DAAM2: variants seen among roughly 807,000 people sequenced by gnomAD.
The protein encoded by DAAM2 is disheveled-associated activator of morphogenesis 2.
DAAM2 carries 39 observed loss-of-function variants against 120.7 expected under a neutral mutation model. That is an observed-to-expected ratio of 0.32 (90% CI 0.25 to 0.42). The LOEUF is 0.42. Among genes scored for constraint, DAAM2 ranks in the 10% least tolerant of loss-of-function variants. DAAM2 has a pLI of 1.00. For missense variants in DAAM2, 1,283 were observed against 1,401.7 expected (o/e 0.92, Z 1.35); for synonymous variants, 488 against 524.9 (o/e 0.93, Z 0.96).
intron 1 of DAAM2, among the ~76,000 whole-genome samples, chr6:39,803,975 A>C (rs1424146389): frequency 4.6e-5 from 7 of 152,198 alleles, no homozygotes; most frequent in African/African-American, 1.7e-4. Flanking sequence ...GAATAGTCAC[A>C]GACTGAGACT....
chr6:39,898,589 G>C (rs1394316709), intron 21 of DAAM2, among the ~76,000 whole-genome samples: 1 of 152,206 alleles, frequency 6.6e-6, no homozygotes, highest in African/African-American at 2.4e-5. Flanking sequence ...ATAGGTCTAA[G>C]CCAGAGGCCA....
At chr6:39,809,981 T>C (rs756559944) in intron 1 of DAAM2, among the ~76,000 whole-genome samples, 1 of 152,224 alleles carries the variant, frequency 6.6e-6, no homozygotes, top group Non-Finnish European at 1.5e-5. Flanking sequence ...CCTTTGTCTT[T>C]GTGCTCATTG....
intron 1 of DAAM2, among the ~76,000 whole-genome samples, chr6:39,835,377 T>C (rs1763064148): frequency 6.6e-6 from 1 of 152,248 alleles, no homozygotes; most frequent in East Asian, 1.9e-4. Context: ...AAGATTTGAC[T>C]GTGTCTTACC....
chr6:39,802,194 ATGTCTGT>A (rs566023448), intron 1 of DAAM2, among the ~76,000 whole-genome samples: 4 of 152,184 alleles, frequency 2.6e-5, no homozygotes, highest in Non-Finnish European at 4.4e-5. Context: ...AATGTTATCG[ATGTCTGT>A]GGCTGCCTAA....
Position 39,901,545 on chromosome 6 carries a change from T to G in DAAM2, c.2982+73T>G. 2 of 1,502,432 alleles carry G rather than the reference T, an allele frequency of 1.3e-6. No homozygotes were observed. The highest frequency in any genetic ancestry group is 1.8e-6 in the Non-Finnish European group (2 of 1,116,494). The allele number at this position is 1,502,432 out of a possible 1,614,324, so 93.1% of individuals were successfully genotyped here. On this transcript the variant is annotated intron_variant, in intron 24 of 24. Transcript: ENST00000274867. The surrounding 1 kb of genome is among the most constrained non-coding windows in gnomAD (Gnocchi z 4.5). ...TGGGGAGAACACCCCCAAACTGGGG[T>G]GTGTGGGAGGAGGGCAGAGACTGAG... is the stretch of plus-strand genomic sequence containing the variant.
intron 1 of DAAM2, among the ~76,000 whole-genome samples, chr6:39,829,375 G>A (rs973713219): frequency 5.9e-5 from 9 of 152,176 alleles, no homozygotes; most frequent in Non-Finnish European, 1.2e-4. Flanking sequence ...TGATTCTTGC[G>A]GCTTTTCCCA....
rs552428277 is a variant in DAAM2 at position 39,890,610 on chromosome 6, T to C, written c.2146-731T>C. ...TCACTTGAATGGCTTACTGAAGTGATGAAAAATAACTTTCCTGGGGGATGG... is the reference window on the plus strand; with the variant it reads ...TCACTTGAATGGCTTACTGAAGTGACGAAAAATAACTTTCCTGGGGGATGG... On this transcript the variant is annotated intron_variant, in intron 17 of 24. Transcript: ENST00000274867. Among the ~76,000 whole-genome samples the C allele has an allele frequency of 2.1e-4, 32 of 152,330 alleles. 2 individuals are homozygous for C. In the South Asian group the frequency reaches 6.6e-3, roughly 32 times the overall value.
At chr6:39,834,022 A>G (rs1029465137) in intron 1 of DAAM2, among the ~76,000 whole-genome samples, 5 of 152,168 alleles carry the variant, frequency 3.3e-5, no homozygotes, top group Non-Finnish European at 5.9e-5. Context: ...AGCCAAGTTT[A>G]GAATCTAAAA....
intron 14 of DAAM2, among the ~76,000 whole-genome samples, chr6:39,880,862 A>G (rs1250872742): frequency 6.6e-6 from 1 of 152,208 alleles, no homozygotes; most frequent in Non-Finnish European, 1.5e-5. Flanking sequence ...TGCACTGCAC[A>G]GTTGTGCCCT....
In DAAM2 at chr6:39,865,433, G is replaced by A. The variant is rs1764387552; in HGVS notation, c.428+359G>A. On this transcript the variant is annotated intron_variant, in intron 5 of 24. Transcript: ENST00000274867. The stretch of plus-strand genomic sequence containing the variant: ...GAGCCTTGTGAGGATGAGGGGGCAG[G>A]GTGAGTGCCCCATCCAGGAAAAGAG... Among the ~76,000 whole-genome samples the A allele has an allele frequency of 2.0e-5, 3 of 152,228 alleles. 1 individual carries two copies. The highest frequency in any genetic ancestry group is 2.0e-4 in the Admixed American group (3 of 15,282).
At chr6:39,820,683 G>A (rs1762459686) in intron 1 of DAAM2, 1 of 152,196 alleles carries the variant, frequency 6.6e-6, no homozygotes, top group South Asian at 2.1e-4. Context: ...AAGATGAGTG[G>A]TTGAGCTCCA....
intron 21 of DAAM2, among the ~76,000 whole-genome samples, chr6:39,897,709 C>G (rs1766197071): frequency 6.6e-6 from 1 of 152,156 alleles, no homozygotes; most frequent in African/African-American, 2.4e-5. Flanking sequence ...CATCGCATGT[C>G]TCATTAGCAC....
chr6:39,811,179 G>A lies in DAAM2; in HGVS notation c.-57+18714G>A, dbSNP rs968959062. 7.5e-3 allele frequency among the ~76,000 whole-genome samples: 340 copies of A among 45,434 alleles called. 1 individual carries two copies. The highest frequency in any genetic ancestry group is 0.026 in the Middle Eastern group (2 of 78). The allele number at this position is 45,434 out of a possible 152,430, so 29.8% of individuals were successfully genotyped here. A position where few individuals can be genotyped will look rare whatever the true frequency, so the allele number is the denominator to read the frequency against. On this transcript the variant is annotated intron_variant, in intron 1 of 24. Transcript: ENST00000274867. ...TAAGCCTGTAAACTGAAGGGAGTGT[G>A]TGTGTGTGTGTGTGTGTGTGTGTGT...
At chr6:39,873,171 G>T in intron 9 of DAAM2, 67 bp from the exon 10 acceptor site, 1 of 1,008,406 alleles carries the variant, frequency 9.9e-7, no homozygotes, top group South Asian at 1.4e-5. Flanking sequence ...TGGAAGCAGG[G>T]TCTTCTCTCT....
At chr6:39,851,737 G>A (rs1054275900) in intron 1 of DAAM2, among the ~76,000 whole-genome samples, 1 of 152,198 alleles carries the variant, frequency 6.6e-6, no homozygotes, top group Admixed American at 6.5e-5. Flanking sequence ...CAGCCCCTTG[G>A]GAAGCCTTTG....
At chr6:39,864,567 T>A in intron 4 of DAAM2, 60 bp downstream of exon 4, 1 of 1,403,952 alleles carries the variant, frequency 7.1e-7, no homozygotes, top group Non-Finnish European at 9.8e-7. Context: ...CAGGGAGTGA[T>A]TCCCCCAGCC....
At chr6:39,818,255 G>A (rs1323275556) in intron 1 of DAAM2, among the ~76,000 whole-genome samples, 1 of 149,894 alleles carries the variant, frequency 6.7e-6, no homozygotes, top group African/African-American at 2.5e-5. Context: ...CTGGTCCCAT[G>A]GCCAACTTGA....
Position 39,896,825 on chromosome 6 carries a change from C to T in DAAM2, c.2355C>T (p.Ala785=). The T allele has an allele frequency of 6.3e-7, 1 of 1,596,832 alleles. No individual in the cohort carries two copies. Among genetic ancestry groups the T allele is most frequent in the Admixed American group, 1.7e-5 (1 of 58,084 alleles). ...AKPKVEAILL[A]SRELVRSKRL... Reference sequence around the variant, plus strand: ...CTCCTCTCCCAGCCATCCTGTTGGCCTCCCGGGAGCTGGTCCGCAGCAAGC... The same window carrying T: ...CTCCTCTCCCAGCCATCCTGTTGGCTTCCCGGGAGCTGGTCCGCAGCAAGC... The change falls in exon 20 of 25, where the codon GCC becomes GCT. Residue 785 remains alanine (A), a synonymous_variant. Transcript: ENST00000274867.
At chr6:39,802,437 A>T (rs967189988) in intron 1 of DAAM2, among the ~76,000 whole-genome samples, 2 of 152,168 alleles carry the variant, frequency 1.3e-5, no homozygotes, top group Non-Finnish European at 1.5e-5. Context: ...TTAATACATT[A>T]CTTGGTTAAA....
Sources: gnomAD v4.1 joint callset for allele counts (sites outside exome capture counted in the v4.1 genomes callset) on GRCh38, gnomAD v4.1.1 for gene constraint, Gnocchi (gnomAD v3.1) non-coding constraint, MANE v1.5 for transcripts, NCBI Gene and HGNC (gene_info 2026-07-23, HGNC 2026-07-21) for gene names.